The following EPS8 variants were observed in gnomAD, a reference collection of about 807,000 sequenced individuals.
EPS8 encodes the protein epidermal growth factor receptor kinase substrate 8.
EPS8 carries 42 observed loss-of-function variants against 103.8 expected under a neutral mutation model. The observed-to-expected ratio is 0.40, with a 90% CI of 0.32 to 0.52. The LOEUF is 0.52. Among genes scored for constraint, EPS8 ranks in the 20% least tolerant of loss-of-function variants. The pLI, the probability that EPS8 is intolerant of heterozygous loss-of-function variation, is 0.40. For synonymous variants in EPS8, 344 were observed against 344.6 expected (o/e 1.00, Z 0.02); for missense variants, 969 against 1,005.1 (o/e 0.96, Z 0.49).
chr12:15,653,470 GTCCATAT>G (rs1945450868), intron 13 of EPS8, among the ~76,000 whole-genome samples: 1 of 152,086 alleles, frequency 6.6e-6, no homozygotes, highest in South Asian at 2.1e-4. Flanking sequence ...GCTACCCGAA[GTCCATAT>G]TCCAGAGAAA....
chr12:15,685,550 G>A (rs1030511454), intron 1 of EPS8, among the ~76,000 whole-genome samples: 5 of 152,106 alleles, frequency 3.3e-5, no homozygotes, highest in Non-Finnish European at 5.9e-5. Flanking sequence ...TAAATGCATG[G>A]TCTCTCTTTT....
chr12:15,771,665 C>T lies in EPS8; in HGVS notation c.-22+17496G>A, dbSNP rs143813208. On this transcript the variant is annotated intron_variant, in intron 1 of 20. Transcript: ENST00000281172. This position sits in a 1 kb window ranked among gnomAD's most constrained non-coding sequence, Gnocchi z 4.6. ...TTCTTCTAATGGGCTAGAAATTCTCCGTAGGATTGCACTGCACTCCAGCCT... is the reference window on the plus strand; with the variant it reads ...TTCTTCTAATGGGCTAGAAATTCTCTGTAGGATTGCACTGCACTCCAGCCT... Among the ~76,000 whole-genome samples the T allele has an allele frequency of 4.8e-4, 73 of 151,610 alleles. No individual in the cohort carries two copies. The highest frequency in any genetic ancestry group is 8.5e-4 in the Admixed American group (13 of 15,218).
Position 15,771,010 on chromosome 12 carries a change from G to C in EPS8, c.-22+18151C>G, listed in dbSNP as rs1172466902. Among the ~76,000 whole-genome samples the C allele has an allele frequency of 1.3e-5, 2 of 152,080 alleles. No individual in the cohort carries two copies. Among genetic ancestry groups the C allele is most frequent in the Non-Finnish European group, 2.9e-5 (2 of 68,030 alleles). On this transcript the variant is annotated intron_variant, in intron 1 of 20. Transcript: ENST00000281172. This position sits in a 1 kb window ranked among gnomAD's most constrained non-coding sequence, Gnocchi z 4.6. ...CCTACCTTAGAGGAGCTTGATACCT[G>C]GTATCAGGTAACACACATGTATATA... is the stretch of plus-strand genomic sequence containing the variant.
chr12:15,762,700 T>C lies in EPS8; in HGVS notation c.-22+26461A>G, dbSNP rs1457804131. The stretch of plus-strand genomic sequence containing the variant: ...CAGAAAAACATCATATGTTCTCATT[T>C]ATTTGCAGAATCTAGAAATAAAAAC... On this transcript the variant is annotated intron_variant, in intron 1 of 20. Coordinates refer to ENST00000281172, the MANE Select transcript of EPS8 (RefSeq NM_004447.6). The surrounding 1 kb of genome is among the most constrained non-coding windows in gnomAD (Gnocchi z 4.8). Among the ~76,000 whole-genome samples the C allele has an allele frequency of 6.6e-6, 1 of 152,216 alleles. No homozygotes were observed. The highest frequency in any genetic ancestry group is 1.5e-5 in the Non-Finnish European group (1 of 68,026).
Position 15,751,330 on chromosome 12 carries a change from C to A in EPS8, c.-22+37831G>T, listed in dbSNP as rs927137791. Among the ~76,000 whole-genome samples, 1 of 152,116 alleles carries A rather than the reference C, an allele frequency of 6.6e-6. No individual in the cohort carries two copies. The highest frequency in any genetic ancestry group is 1.5e-5 in the Non-Finnish European group (1 of 68,032). On this transcript the variant is annotated intron_variant, in intron 1 of 20. Coordinates refer to ENST00000281172, the MANE Select transcript of EPS8 (RefSeq NM_004447.6). The surrounding 1 kb of genome is among the most constrained non-coding windows in gnomAD (Gnocchi z 4.3). ...CTGAGATCACGCCACTGCACTCCAG[C>A]CTGGGCGACAGAGTGAGACTCCATC...
chr12:15,654,036 T>C lies in EPS8; in HGVS notation c.1250+109A>G. 9.3e-6 allele frequency: 10 copies of C among 1,078,490 alleles called. 1 individual carries two copies. In the South Asian group the frequency reaches 1.4e-4, roughly 15 times the overall value. The allele number at this position is 1,078,490 out of a possible 1,614,324, so 66.8% of individuals were successfully genotyped here. On this transcript the variant is annotated intron_variant, in intron 13 of 20. Transcript: ENST00000281172. ...GCCTTTAAGGGTTTAGGTTTTTTCA[T>C]CCTATGACGCTTAGTCCTTCGTATG...
intron 6 of EPS8, 131 bp from the exon 7 acceptor site, chr12:15,666,653 A>C: frequency 1.6e-6 from 1 of 628,244 alleles, no homozygotes; most frequent in Non-Finnish European, 2.7e-6. Context: ...CTTTTTATAA[A>C]AATCTTGCAA....
At position 15,762,030 on chromosome 12, in the gene EPS8, T is replaced by C. The variant is rs117396919; in HGVS notation, c.-22+27131A>G. 0.037 allele frequency among the ~76,000 whole-genome samples: 5,577 copies of C among 152,124 alleles called. 173 individuals are homozygous for C. The highest frequency in any genetic ancestry group is 0.056 in the Non-Finnish European group (3,832 of 67,962). On this transcript the variant is annotated intron_variant, in intron 1 of 20. Coordinates refer to ENST00000281172, the MANE Select transcript of EPS8 (RefSeq NM_004447.6). This position sits in a 1 kb window ranked among gnomAD's most constrained non-coding sequence, Gnocchi z 4.8. ...TCAGAGAAAATATATTTGCAAACTA[T>C]CCATCTGAAAAGAGATTAATAATCA...
At chr12:15,644,898 T>C (rs910446284) in intron 15 of EPS8, among the ~76,000 whole-genome samples, 33 of 152,082 alleles carry the variant, frequency 2.2e-4, no homozygotes, top group African/African-American at 6.5e-4. Flanking sequence ...CTTAGCAACA[T>C]AGAACATCAA....
At chr12:15,650,247 A>C (rs1945388553) in intron 14 of EPS8, among the ~76,000 whole-genome samples, 1 of 152,214 alleles carries the variant, frequency 6.6e-6, no homozygotes, top group Non-Finnish European at 1.5e-5. Flanking sequence ...GTGCAGAAGA[A>C]CTTGGGCCCT....
In EPS8 at chr12:15,789,267, G is replaced by C. The variant is rs1947343477; in HGVS notation, c.-128C>G. On this transcript the variant is annotated 5_prime_UTR_variant, in exon 1 of 21. Coordinates refer to ENST00000281172, the MANE Select transcript of EPS8 (RefSeq NM_004447.6). The surrounding 1 kb of genome is among the most constrained non-coding windows in gnomAD (Gnocchi z 6.1). The stretch of plus-strand genomic sequence containing the variant: ...CCCCAATCTGATTCGCGCCCAGCCA[G>C]TCGTCCGCGAGCCGCGGAGCCGCCT... 6.6e-6 allele frequency: 1 copy of C among 152,232 alleles called. No homozygotes were observed. The highest frequency in any genetic ancestry group is 2.1e-4 in the South Asian group (1 of 4,838). 9.4% of individuals were successfully genotyped at this position (152,232 alleles called of 1,614,324 possible).
In EPS8 at chr12:15,764,069, C is replaced by A. The variant is rs1947068655; in HGVS notation, c.-22+25092G>T. On this transcript the variant is annotated intron_variant, in intron 1 of 20. Coordinates refer to ENST00000281172, the MANE Select transcript of EPS8 (RefSeq NM_004447.6). The surrounding 1 kb of genome is among the most constrained non-coding windows in gnomAD (Gnocchi z 4.1). The stretch of plus-strand genomic sequence containing the variant: ...TATAAAGGAAAAGAGGTTTAATGGA[C>A]TCACAGTTCCACATGGCTAGGGAGG... Among the ~76,000 whole-genome samples, 1 of 152,182 alleles carries A rather than the reference C, an allele frequency of 6.6e-6. No homozygotes were observed. The highest frequency in any genetic ancestry group is 2.4e-5 in the African/African-American group (1 of 41,428).
At chr12:15,782,598 T>C (rs1485480118) in intron 1 of EPS8, among the ~76,000 whole-genome samples, 1 of 152,138 alleles carries the variant, frequency 6.6e-6, no homozygotes, top group Non-Finnish European at 1.5e-5. Context: ...ATGTCATGAA[T>C]GCATAATATG....
chr12:15,709,484 T>C (rs1946432724), intron 1 of EPS8, among the ~76,000 whole-genome samples: 1 of 152,120 alleles, frequency 6.6e-6, no homozygotes, highest in African/African-American at 2.4e-5. Context: ...GCTTAAGCCA[T>C]ACATTAAGAT....
In EPS8 at chr12:15,666,640, A is replaced by T. The variant is rs980357630; in HGVS notation, c.517-118T>A. Reference sequence around the variant, plus strand: ...AATCAGTAAGTATCTTGATGTAAAAAGTCTTTTTATAAAAATCTTGCAAAA... The same window carrying T: ...AATCAGTAAGTATCTTGATGTAAAATGTCTTTTTATAAAAATCTTGCAAAA... On this transcript the variant is annotated intron_variant, in intron 6 of 20. Coordinates refer to ENST00000281172, the MANE Select transcript of EPS8 (RefSeq NM_004447.6). 7.4e-6 allele frequency: 5 copies of T among 672,232 alleles called. No individual in the cohort carries two copies. In the Admixed American group the frequency reaches 9.3e-5, roughly 13 times the overall value. 41.6% of individuals were successfully genotyped at this position (672,232 alleles called of 1,614,324 possible).
At chr12:15,660,450 G>C (rs1304616184) in intron 10 of EPS8, among the ~76,000 whole-genome samples, 164 bp downstream of exon 10, 2 of 152,034 alleles carry the variant, frequency 1.3e-5, no homozygotes, top group African/African-American at 2.4e-5. Flanking sequence ...TTTTAGTAGA[G>C]ACGGGGTTTC....
chr12:15,734,410 T>C lies in EPS8; in HGVS notation c.-21-51438A>G, dbSNP rs2135997727. Among the ~76,000 whole-genome samples the C allele has an allele frequency of 6.6e-6, 1 of 152,252 alleles. No individual in the cohort carries two copies. The highest frequency in any genetic ancestry group is 3.4e-3 in the Middle Eastern group (1 of 294). ...AAGTTTCATGCTTAAAAAGATTCTC[T>C]GTGGTTGGGCACGGTGGCTCACACC... On this transcript the variant is annotated intron_variant, in intron 1 of 20. Transcript: ENST00000281172. The surrounding 1 kb of genome is among the most constrained non-coding windows in gnomAD (Gnocchi z 4.1).
At chr12:15,718,476 C>A (rs1200942101) in intron 1 of EPS8, among the ~76,000 whole-genome samples, 2 of 152,122 alleles carry the variant, frequency 1.3e-5, no homozygotes, top group African/African-American at 2.4e-5. Flanking sequence ...GAAAATTTCC[C>A]ATTTAAATAC....
intron 1 of EPS8, among the ~76,000 whole-genome samples, chr12:15,694,701 T>C (rs887007309): frequency 6.6e-6 from 1 of 152,156 alleles, no homozygotes; most frequent in Non-Finnish European, 1.5e-5. Flanking sequence ...CCTATAAAAG[T>C]AGTATGAAAC....
Sources: gnomAD v4.1 joint callset for allele counts (sites outside exome capture counted in the v4.1 genomes callset) on GRCh38, gnomAD v4.1.1 for gene constraint, Gnocchi (gnomAD v3.1) non-coding constraint, MANE v1.5 for transcripts, NCBI Gene and HGNC (gene_info 2026-07-23, HGNC 2026-07-21) for gene names.